The following PARN variants were observed in gnomAD, a reference collection of about 807,000 sequenced individuals.
PARN encodes the protein poly(A)-specific ribonuclease PARN.
A neutral mutation model predicts 102.8 loss-of-function variants in PARN; 71 were observed. The observed-to-expected ratio is 0.69, with a 90% CI of 0.57 to 0.84. The LOEUF (loss-of-function observed/expected upper bound fraction) is 0.84, where lower values mean the gene tolerates loss of function less well. Among genes scored for constraint, PARN ranks in the 40% least tolerant of loss-of-function variants. The pLI is 0.00. For missense variants in PARN, 782 were observed against 760.9 expected, an observed-to-expected ratio of 1.03 and a Z score of -0.33; for synonymous variants, 261 against 252.9, an observed-to-expected ratio of 1.03 and a Z score of -0.30.
At chr16:14,486,826 A>T (rs1297325067) in intron 21 of PARN, among the ~76,000 whole-genome samples, 2 of 152,248 alleles carry the variant, frequency 1.3e-5, no homozygotes, top group Non-Finnish European at 2.9e-5. Flanking sequence ...CAGAAGCAGC[A>T]TGTAGCAGGC....
intron 21 of PARN, among the ~76,000 whole-genome samples, chr16:14,485,153 C>G (rs2151600939): frequency 6.6e-6 from 1 of 152,348 alleles, no homozygotes; most frequent in East Asian, 1.9e-4. Context: ...CACTCTGCCT[C>G]ACTCAGGAGA....
chr16:14,573,330 A>G (rs972477023), intron 18 of PARN, among the ~76,000 whole-genome samples: 2 of 152,108 alleles, frequency 1.3e-5, no homozygotes, highest in Non-Finnish European at 2.9e-5. Flanking sequence ...AACACTTAAA[A>G]CCTACTCTTC....
At chr16:14,504,973 G>A (rs1439396057) in intron 21 of PARN, among the ~76,000 whole-genome samples, 2 of 152,200 alleles carry the variant, frequency 1.3e-5, no homozygotes, top group Non-Finnish European at 2.9e-5. Context: ...TGTACGTGCA[G>A]TGCTATGGAG....
chr16:14,629,736 G>T (rs745511228), intron 1 of PARN, 62 bp from the exon 2 acceptor site: 85 of 1,270,642 alleles, frequency 6.7e-5, no homozygotes, highest in Non-Finnish European at 9.2e-5. Context: ...AGGGGAGAGG[G>T]AAGGAGGGCC....
rs1245720968 is a variant in PARN at position 14,628,497 on chromosome 16, T to C, written c.98-246A>G. ...CAGTTCCAGCGTCTAAAACATGACT[T>C]AAAACACAGTAATCATGTAAGAAAA... On this transcript the variant is annotated intron_variant, in intron 2 of 23. Transcript: ENST00000437198. 2.0e-5 allele frequency among the ~76,000 whole-genome samples: 3 copies of C among 152,314 alleles called. No individual in the cohort carries two copies. The East Asian group carries it at 5.8e-4, about 29-fold the overall frequency.
chr16:14,573,586 T>C (rs1968937776), intron 18 of PARN, among the ~76,000 whole-genome samples: 1 of 152,258 alleles, frequency 6.6e-6, no homozygotes, highest in African/African-American at 2.4e-5. Context: ...CGGAAGATGA[T>C]ACGCTTTGGC....
intron 21 of PARN, among the ~76,000 whole-genome samples, chr16:14,513,620 G>T (rs982982058): frequency 6.6e-6 from 1 of 152,058 alleles, no homozygotes; most frequent in East Asian, 1.9e-4. Flanking sequence ...TCCCCTGCCC[G>T]CACAATACTG....
intron 13 of PARN, among the ~76,000 whole-genome samples, chr16:14,589,355 G>A (rs1970034555): frequency 6.6e-6 from 1 of 151,700 alleles, no homozygotes; most frequent in Non-Finnish European, 1.5e-5. Flanking sequence ...CTTGAACGCA[G>A]GAGTTCGAGA....
chr16:14,544,107 G>A (rs8063620), intron 21 of PARN, among the ~76,000 whole-genome samples: 26,376 of 152,026 alleles, frequency 0.17, 2,652 homozygotes, highest in Middle Eastern at 0.28. Context: ...CAGGAGAATC[G>A]CTTGAACCCG....
At chr16:14,583,273 C>T (rs1190157557) in intron 16 of PARN, among the ~76,000 whole-genome samples, 1 of 152,212 alleles carries the variant, frequency 6.6e-6, no homozygotes, top group East Asian at 1.9e-4. Flanking sequence ...ATAATTATAT[C>T]CTAGAACCAT....
intron 17 of PARN, 57 bp downstream of exon 17, chr16:14,582,124 C>G: frequency 9.8e-7 from 1 of 1,017,584 alleles, no homozygotes; most frequent in Non-Finnish European, 1.6e-6. Flanking sequence ...AGCCAGGAGA[C>G]AGGTAAGATC....
At chr16:14,473,235 T>C (rs1395878919) in intron 22 of PARN, among the ~76,000 whole-genome samples, 1 of 152,252 alleles carries the variant, frequency 6.6e-6, no homozygotes, top group Non-Finnish European at 1.5e-5. Context: ...TTTTCCTCCT[T>C]CATTTTACAC....
chr16:14,591,578 G>A (rs1970196478), intron 13 of PARN, among the ~76,000 whole-genome samples: 2 of 152,174 alleles, frequency 1.3e-5, no homozygotes, highest in African/African-American at 4.8e-5. Flanking sequence ...AGTTGTGACA[G>A]AAACTATGCA....
rs145942556 is a variant in PARN at position 14,594,261 on chromosome 16, C to T, written c.841-883G>A. 4.5e-4 allele frequency among the ~76,000 whole-genome samples: 69 copies of T among 152,258 alleles called. 1 individual carries two copies. In the East Asian group the frequency reaches 8.9e-3, roughly 20 times the overall value. Reference sequence around the variant, plus strand: ...TAAAAGTCACTGCCTTTCAGCCAACCGAAATACAATATATGTGCTGGCAGC... The same window carrying T: ...TAAAAGTCACTGCCTTTCAGCCAACTGAAATACAATATATGTGCTGGCAGC... On this transcript the variant is annotated intron_variant, in intron 12 of 23. Transcript: ENST00000437198.
chr16:14,608,173 C>T, intron 9 of PARN, 108 bp downstream of exon 9: 1 of 784,728 alleles, frequency 1.3e-6, no homozygotes, highest in East Asian at 2.8e-5. Flanking sequence ...GTAGTCAAAT[C>T]ACTGAGAACC....
chr16:14,540,923 C>CCCGGG (rs1220583817), intron 21 of PARN, among the ~76,000 whole-genome samples: 1 of 152,092 alleles, frequency 6.6e-6, no homozygotes, highest in Non-Finnish European at 1.5e-5. Flanking sequence ...TGCACTCCAG[C>CCCGGG]CCGGGCCACA....
intron 21 of PARN, among the ~76,000 whole-genome samples, chr16:14,525,314 T>C (rs867246770): frequency 1.3e-5 from 2 of 152,216 alleles, no homozygotes; most frequent in African/African-American, 4.8e-5. Flanking sequence ...TAGTTTGAAG[T>C]TGTCCAAGAC....
chr16:14,585,980 C>CTTTTTT (rs772896503), intron 14 of PARN, among the ~76,000 whole-genome samples: 3 of 127,240 alleles, frequency 2.4e-5, no homozygotes, highest in Non-Finnish European at 1.7e-5. Context: ...CACAATGACT[C>CTTTTTT]TTTTTTTTTT....
At chr16:14,506,360 A>G (rs1164922206) in intron 21 of PARN, among the ~76,000 whole-genome samples, 1 of 152,192 alleles carries the variant, frequency 6.6e-6, no homozygotes, top group African/African-American at 2.4e-5. Context: ...AAAAACTGTA[A>G]GGGACATTAT....
Sources: gnomAD v4.1 joint callset for allele counts (sites outside exome capture counted in the v4.1 genomes callset) on GRCh38, gnomAD v4.1.1 for gene constraint, MANE v1.5 for transcripts, NCBI Gene and HGNC (gene_info 2026-07-23, HGNC 2026-07-21) for gene names.